The following TGFA variants were observed in gnomAD, a reference collection of about 807,000 sequenced individuals.
TGFA encodes transforming growth factor alpha.
Under a neutral mutation model 21.7 loss-of-function variants are expected in TGFA, and 12 were observed. That is an observed-to-expected ratio of 0.55 (90% CI 0.35 to 0.90). The LOEUF (loss-of-function observed/expected upper bound fraction) is 0.90. Ranked by LOEUF, TGFA falls within the 40% of genes least tolerant of loss-of-function variation. The pLI, the probability that TGFA is intolerant of heterozygous loss-of-function variation, is 0.01. For missense variants in TGFA, 178 were observed against 210.8 expected, an observed-to-expected ratio of 0.84 and a Z score of 0.96; for synonymous variants, 79 against 88.1, an observed-to-expected ratio of 0.90 and a Z score of 0.58.
At chr2:70,553,090 G>C in intron 1 of TGFA, 1 of 1,331,362 alleles carries the variant, frequency 7.5e-7, no homozygotes, top group Admixed American at 2.1e-5. Flanking sequence ...CTCGGTCTAG[G>C]GTTTCGCTCC....
intron 1 of TGFA, among the ~76,000 whole-genome samples, chr2:70,536,733 A>G (rs1443711262): frequency 6.6e-6 from 1 of 152,244 alleles, no homozygotes; most frequent in Non-Finnish European, 1.5e-5. Flanking sequence ...CTTACTGAAT[A>G]TATTACAAAG....
chr2:70,495,541 T>C (rs1671549790), intron 2 of TGFA, among the ~76,000 whole-genome samples: 1 of 152,130 alleles, frequency 6.6e-6, no homozygotes, highest in Admixed American at 6.5e-5. Flanking sequence ...CACAGGTCTC[T>C]CTATTAGTCA....
At chr2:70,537,367 C>T (rs1326908719) in intron 1 of TGFA, among the ~76,000 whole-genome samples, 1 of 152,182 alleles carries the variant, frequency 6.6e-6, no homozygotes, top group East Asian at 1.9e-4. Context: ...GGAAGAGTGG[C>T]ATGTCTCTCA....
At chr2:70,518,281 G>A (rs1346728514) in intron 1 of TGFA, among the ~76,000 whole-genome samples, 1 of 152,130 alleles carries the variant, frequency 6.6e-6, no homozygotes, top group Admixed American at 6.5e-5. Context: ...CCAAGACTGT[G>A]GACTTCAAAA....
intron 5 of TGFA, 90 bp from the exon 6 acceptor site, chr2:70,450,956 A>G: frequency 6.7e-7 from 1 of 1,482,854 alleles, no homozygotes; most frequent in Non-Finnish European, 9.3e-7. Context: ...TGGAGATGGC[A>G]GAGCCAATGT....
chr2:70,493,737 A>G (rs1671500088), intron 2 of TGFA, among the ~76,000 whole-genome samples: 1 of 152,224 alleles, frequency 6.6e-6, no homozygotes. Flanking sequence ...ATGCTTAAGG[A>G]GGAACAGAAC....
At chr2:70,510,671 G>A (rs898242093) in intron 2 of TGFA, among the ~76,000 whole-genome samples, 17 of 152,284 alleles carry the variant, frequency 1.1e-4, no homozygotes, top group African/African-American at 3.9e-4. Flanking sequence ...CACTCAAATT[G>A]TCTGAGAAGC....
chr2:70,486,283 A>G (rs968923072), intron 2 of TGFA, among the ~76,000 whole-genome samples: 3 of 152,200 alleles, frequency 2.0e-5, no homozygotes, highest in Admixed American at 6.5e-5. Flanking sequence ...GGTACAGGGA[A>G]CAAAGGCAGG....
intron 2 of TGFA, among the ~76,000 whole-genome samples, chr2:70,504,471 T>TAC (rs1441723120): frequency 4.6e-5 from 4 of 87,168 alleles, no homozygotes; most frequent in African/African-American, 1.7e-4. Context: ...TATACACACA[T>TAC]ACATACATAC....
In TGFA at chr2:70,524,375, T is replaced by C. The variant is rs74508596; in HGVS notation, c.41-9463A>G. Among the ~76,000 whole-genome samples the C allele has an allele frequency of 3.3e-4, 51 of 152,350 alleles. No individual in the cohort carries two copies. In the East Asian group the frequency reaches 4.8e-3, roughly 14 times the overall value. ...TCTCTTCCGAAGAGTTTAAGCCTTA[T>C]CAAAGACTTAGACCAGGGGCTGGGT... is the stretch of plus-strand genomic sequence containing the variant. On this transcript the variant is annotated intron_variant, in intron 1 of 5. Coordinates refer to ENST00000295400, the MANE Select transcript of TGFA (RefSeq NM_003236.4).
At chr2:70,457,114 G>A (rs149340105) in intron 3 of TGFA, among the ~76,000 whole-genome samples, 108 of 152,302 alleles carry the variant, frequency 7.1e-4, no homozygotes, top group African/African-American at 2.5e-3. Context: ...GGTCGTGTCT[G>A]AATGTGCGTG....
chr2:70,514,494 G>A (rs544898699), intron 2 of TGFA, among the ~76,000 whole-genome samples: 129 of 151,812 alleles, frequency 8.5e-4, no homozygotes, highest in Middle Eastern at 3.4e-3. Context: ...TCACCGATGA[G>A]GGTTCAGAAA....
At chr2:70,541,323 C>G (rs1673125772) in intron 1 of TGFA, among the ~76,000 whole-genome samples, 1 of 152,050 alleles carries the variant, frequency 6.6e-6, no homozygotes, top group Admixed American at 6.6e-5. Context: ...AAATATTTTC[C>G]CCATATACTG....
chr2:70,504,517 C>G (rs562795113), intron 2 of TGFA, among the ~76,000 whole-genome samples: 2 of 140,290 alleles, frequency 1.4e-5, no homozygotes, highest in Non-Finnish European at 3.1e-5. Flanking sequence ...CACACACACA[C>G]AGAAGATTCC....
intron 2 of TGFA, among the ~76,000 whole-genome samples, chr2:70,501,264 T>G (rs950721573): frequency 1.1e-4 from 17 of 152,044 alleles, no homozygotes; most frequent in Admixed American, 6.5e-5. Context: ...CAATTTTTTT[T>G]TTTTTTTTCT....
chr2:70,491,450 C>T (rs1671432177), intron 2 of TGFA, among the ~76,000 whole-genome samples: 1 of 152,188 alleles, frequency 6.6e-6, no homozygotes, highest in Non-Finnish European at 1.5e-5. Flanking sequence ...CAAGGAAAGC[C>T]CACTCCACTC....
intron 1 of TGFA, among the ~76,000 whole-genome samples, chr2:70,546,571 T>C (rs1673311496): frequency 6.6e-6 from 1 of 152,130 alleles, no homozygotes; most frequent in Non-Finnish European, 1.5e-5. Context: ...CCTCCCAGGC[T>C]CCAGTGATCC....
At chr2:70,456,720 G>A (rs544165594) in intron 3 of TGFA, among the ~76,000 whole-genome samples, 7 of 152,354 alleles carry the variant, frequency 4.6e-5, no homozygotes, top group African/African-American at 7.2e-5. Context: ...TATCATCTGC[G>A]GAGGCAAGCT....
In TGFA at chr2:70,514,708, C is replaced by A. The variant is rs1249973283; in HGVS notation, c.94+151G>T. The A allele has an allele frequency of 3.5e-6, 3 of 847,264 alleles. No homozygotes were observed. The African/African-American group carries it at 5.0e-5, about 14-fold the overall frequency. 52.5% of individuals were successfully genotyped at this position (847,264 alleles called of 1,614,324 possible). ...AGTTAAGACCTTCCAGTGAGCGCCT[C>A]CTCGCCCCTGAGGAGGGGGCAGAGA... On this transcript the variant is annotated intron_variant, in intron 2 of 5. Coordinates refer to ENST00000295400, the MANE Select transcript of TGFA (RefSeq NM_003236.4).
Sources: allele counts gnomAD v4.1 joint callset (sites outside exome capture counted in the v4.1 genomes callset), GRCh38; gene constraint gnomAD v4.1.1; transcripts MANE v1.5; gene names NCBI Gene and HGNC (gene_info 2026-07-23, HGNC 2026-07-21).